Variants in INPP4B observed in about 807,000 individuals in gnomAD.
The protein encoded by INPP4B is inositol polyphosphate 4-phosphatase type II.
Under a neutral mutation model 122.5 loss-of-function variants are expected in INPP4B, and 55 were observed. The ratio of observed to expected loss-of-function variants is 0.45; its 90% CI spans 0.36 to 0.56. The LOEUF (loss-of-function observed/expected upper bound fraction) is 0.56, where lower values mean the gene tolerates loss of function less well. INPP4B is among the 20% of genes least tolerant of loss of function. The pLI is 0.00. For synonymous variants in INPP4B, 403 were observed against 388.7 expected, an observed-to-expected ratio of 1.04 and a Z score of -0.43; for missense variants, 1,000 against 1,097.7, an observed-to-expected ratio of 0.91 and a Z score of 1.26.
chr4:142,523,601 T>C (rs1826394335), intron 2 of INPP4B, among the ~76,000 whole-genome samples: 1 of 152,142 alleles, frequency 6.6e-6, no homozygotes, highest in South Asian at 2.1e-4. Context: ...ATGTCCCTCC[T>C]GCATTGCTCT....
rs1825908243 is a variant in INPP4B, at chr4:142,520,230, T to C, written c.-190-57504A>G. 2.0e-5 allele frequency among the ~76,000 whole-genome samples: 3 copies of C among 151,990 alleles called. No individual in the cohort carries two copies. The South Asian group carries it at 6.2e-4, about 31-fold the overall frequency. On this transcript the variant is annotated intron_variant, in intron 2 of 25. Transcript: ENST00000262992. ...TTTTATCCTTCAACAAATAGCAGCA[T>C]AATTTTACCAAATACAAAATGGTAT...
chr4:142,151,718 G>C (rs2152867531), intron 17 of INPP4B, among the ~76,000 whole-genome samples: 1 of 152,192 alleles, frequency 6.6e-6, no homozygotes, highest in South Asian at 2.1e-4. Flanking sequence ...CTCTCAGCCT[G>C]GAGGCACATC....
intron 18 of INPP4B, among the ~76,000 whole-genome samples, chr4:142,126,342 G>A (rs115831619): frequency 6.6e-6 from 1 of 152,068 alleles, no homozygotes; most frequent in Non-Finnish European, 1.5e-5. Flanking sequence ...TTGAAAGAGT[G>A]ACAGAGAATA....
At chr4:142,775,515 C>G (rs546620064) in intron 1 of INPP4B, among the ~76,000 whole-genome samples, 1 of 141,382 alleles carries the variant, frequency 7.1e-6, no homozygotes, top group Non-Finnish European at 1.6e-5. Context: ...CCTCCCCTCC[C>G]CTCCCCACCC....
At chr4:142,347,529 A>G in intron 7 of INPP4B, 1 of 441,696 alleles carries the variant, frequency 2.3e-6, no homozygotes, top group Non-Finnish European at 4.5e-6. Context: ...CAAAAAATTC[A>G]CAGTGAAGTT....
At position 142,764,883 on chromosome 4, in the gene INPP4B, G is replaced by T. The variant is rs571642378; in HGVS notation, c.-253-38982C>A. Among the ~76,000 whole-genome samples, 5 of 152,082 alleles carry T rather than the reference G, an allele frequency of 3.3e-5. No individual in the cohort carries two copies. The South Asian group carries it at 1.0e-3, about 32-fold the overall frequency. ...AAATATGAGGCTAAGACGTTCGCTT[G>T]GTTAGAAAGGACAAAGGGAACCATG... On this transcript the variant is annotated intron_variant, in intron 1 of 25. Transcript: ENST00000262992.
At chr4:142,825,471 GTATCA>G (rs200616320) in intron 1 of INPP4B, among the ~76,000 whole-genome samples, 40 of 151,706 alleles carry the variant, frequency 2.6e-4, no homozygotes, top group Middle Eastern at 3.4e-3. Context: ...ATATATATAT[GTATCA>G]TATCATATCA....
At chr4:142,439,431 A>T (rs1451742397) in intron 3 of INPP4B, among the ~76,000 whole-genome samples, 5 of 152,150 alleles carry the variant, frequency 3.3e-5, no homozygotes, top group African/African-American at 1.2e-4. Context: ...TCATCTTGGC[A>T]TCTGTTTCTG....
intron 10 of INPP4B, among the ~76,000 whole-genome samples, chr4:142,270,245 G>A (rs1055238668): frequency 6.6e-6 from 1 of 152,126 alleles, no homozygotes; most frequent in Non-Finnish European, 1.5e-5. Flanking sequence ...TCACGTAAAG[G>A]TGAAATACAA....
chr4:142,167,603 T>C (rs1281505184), intron 16 of INPP4B, among the ~76,000 whole-genome samples: 1 of 151,728 alleles, frequency 6.6e-6, no homozygotes, highest in African/African-American at 2.4e-5. Context: ...TGCTGTGCTT[T>C]TGTCTAGTTA....
At chr4:142,169,840 A>G (rs2152936853) in intron 16 of INPP4B, among the ~76,000 whole-genome samples, 2 of 151,806 alleles carry the variant, frequency 1.3e-5, no homozygotes, top group Admixed American at 1.3e-4. Context: ...GATACCACAC[A>G]TAATTAAGTG....
chr4:142,200,247 C>T (rs181714102), intron 14 of INPP4B, among the ~76,000 whole-genome samples: 151 of 151,910 alleles, frequency 9.9e-4, no homozygotes, highest in Admixed American at 4.3e-3. Context: ...CTGTTGTGCC[C>T]TTTATGTATA....
At chr4:142,659,681 G>A (rs1044563436) in intron 2 of INPP4B, among the ~76,000 whole-genome samples, 7 of 152,048 alleles carry the variant, frequency 4.6e-5, no homozygotes, top group African/African-American at 7.2e-5. Flanking sequence ...CCCATCACTC[G>A]GAGGTTTCCT....
intron 2 of INPP4B, among the ~76,000 whole-genome samples, chr4:142,573,473 T>C (rs1580401361): frequency 6.6e-6 from 1 of 152,136 alleles, no homozygotes; most frequent in East Asian, 1.9e-4. Flanking sequence ...AATATCATGG[T>C]TTTCTAGCTC....
At chr4:142,081,827 G>A (rs905011852) in intron 25 of INPP4B, among the ~76,000 whole-genome samples, 2 of 151,930 alleles carry the variant, frequency 1.3e-5, no homozygotes, top group African/African-American at 4.8e-5. Context: ...AGCCTAAAAT[G>A]AGTAGGGGAA....
chr4:142,526,329 G>A (rs1199235063), intron 2 of INPP4B, among the ~76,000 whole-genome samples: 4 of 151,978 alleles, frequency 2.6e-5, no homozygotes, highest in Non-Finnish European at 5.9e-5. Context: ...CAAAATACTT[G>A]CTATAGTCAC....
intron 3 of INPP4B, among the ~76,000 whole-genome samples, chr4:142,444,688 A>G (rs977744636): frequency 2.6e-5 from 4 of 152,228 alleles, no homozygotes; most frequent in East Asian, 1.9e-4. Flanking sequence ...AAATTATTCT[A>G]CTATAAAGAC....
chr4:142,513,929 T>C (rs1045193977), intron 2 of INPP4B, among the ~76,000 whole-genome samples: 1 of 152,098 alleles, frequency 6.6e-6, no homozygotes, highest in Non-Finnish European at 1.5e-5. Flanking sequence ...TTTAAAAAAA[T>C]CAACCAGGTA....
At chr4:142,210,094 C>A (rs1029501223) in intron 12 of INPP4B, among the ~76,000 whole-genome samples, 1 of 152,118 alleles carries the variant, frequency 6.6e-6, no homozygotes, top group East Asian at 1.9e-4. Context: ...TTTCTGTAAC[C>A]TTTTACCAAC....
Sources: allele counts gnomAD v4.1 joint callset (sites outside exome capture counted in the v4.1 genomes callset), GRCh38; gene constraint gnomAD v4.1.1; transcripts MANE v1.5; gene names NCBI Gene and HGNC (gene_info 2026-07-23, HGNC 2026-07-21).